Variants in CSMD1 observed in about 807,000 individuals in gnomAD.
CSMD1 encodes the protein CUB and sushi domain-containing protein 1.
In CSMD1, 213 loss-of-function variants were observed where a neutral mutation model predicts 417.5. The ratio of observed to expected loss-of-function variants is 0.51; its 90% CI spans 0.46 to 0.57. CSMD1 has a LOEUF of 0.57. Among genes scored for constraint, CSMD1 ranks in the 20% least tolerant of loss-of-function variants. CSMD1 has a pLI of 0.00. For missense variants in CSMD1, 6,923 were observed against 4,529.7 expected (o/e 1.53, Z -15.17); for synonymous variants, 2,862 against 1,736.8 (o/e 1.65, Z -16.11).
intron 1 of CSMD1, among the ~76,000 whole-genome samples, chr8:4,704,938 G>C (rs1033517800): frequency 1.3e-5 from 2 of 152,218 alleles, no homozygotes; most frequent in African/African-American, 4.8e-5. Flanking sequence ...TCCATGGGTA[G>C]TATGGTTTGG....
At chr8:4,403,714 C>G (rs1438869634) in intron 3 of CSMD1, among the ~76,000 whole-genome samples, 1 of 152,164 alleles carries the variant, frequency 6.6e-6, no homozygotes, top group African/African-American at 2.4e-5. Flanking sequence ...CTTCATGTCA[C>G]TCTCTTCTTG....
In CSMD1 at chr8:4,283,959, G is replaced by A. The variant is rs11987807; in HGVS notation, c.415+135994C>T. On this transcript the variant is annotated intron_variant, in intron 3 of 69. Coordinates refer to ENST00000635120, the MANE Select transcript of CSMD1 (RefSeq NM_033225.6). ...TTATTAACAATAAGTTTGGCCAGGG[G>A]TGGTGGCTCACACTTGTAATCGTAG... Among the ~76,000 whole-genome samples the A allele has an allele frequency of 4.4e-3, 668 of 152,260 alleles. 4 individuals carry two copies. The highest frequency in any genetic ancestry group is 0.015 in the African/African-American group (603 of 41,544).
chr8:3,655,973 G>C (rs1482410860), intron 7 of CSMD1, among the ~76,000 whole-genome samples: 1 of 152,104 alleles, frequency 6.6e-6, no homozygotes, highest in African/African-American at 2.4e-5. Flanking sequence ...ACCTGGCTCA[G>C]AACCCCTTTC....
rs12677127 is a variant in CSMD1 at position 3,399,575 on chromosome 8, G to T, written c.2267-46C>A. 22,575 of 1,454,378 alleles carry T rather than the reference G, an allele frequency of 0.016. 1,832 individuals carry two copies. In the East Asian group the frequency reaches 0.21, roughly 14 times the overall value. The allele number at this position is 1,454,378 out of a possible 1,614,324, so 90.1% of individuals were successfully genotyped here. A position where few individuals can be genotyped will look rare whatever the true frequency, so the allele number is the denominator to read the frequency against. On this transcript the variant is annotated intron_variant, in intron 15 of 69. Coordinates refer to ENST00000635120, the MANE Select transcript of CSMD1 (RefSeq NM_033225.6). Reference sequence around the variant, plus strand: ...TCTATTAGATCCAATGAGACAGAAGGATATGCCATAACAATACCCGGATAA... The same window carrying T: ...TCTATTAGATCCAATGAGACAGAAGTATATGCCATAACAATACCCGGATAA...
At chr8:4,552,208 G>C (rs1051624974) in intron 2 of CSMD1, among the ~76,000 whole-genome samples, 5 of 152,076 alleles carry the variant, frequency 3.3e-5, no homozygotes, top group Non-Finnish European at 7.4e-5. Flanking sequence ...ATTCTATGTA[G>C]CTTGGTCTCA....
At chr8:3,740,927 T>C (rs750934377) in intron 6 of CSMD1, among the ~76,000 whole-genome samples, 2 of 151,806 alleles carry the variant, frequency 1.3e-5, no homozygotes, top group South Asian at 2.1e-4. Flanking sequence ...CAGAAGAAGA[T>C]AGAGGGGGCC....
intron 3 of CSMD1, among the ~76,000 whole-genome samples, chr8:4,321,516 G>A (rs1466008588): frequency 6.6e-6 from 1 of 152,118 alleles, no homozygotes; most frequent in Non-Finnish European, 1.5e-5. Context: ...AGAGGGATGT[G>A]TTAAGGATTA....
chr8:3,719,003 G>C (rs765244734), intron 6 of CSMD1, among the ~76,000 whole-genome samples: 2 of 152,128 alleles, frequency 1.3e-5, no homozygotes, highest in Admixed American at 6.6e-5. Flanking sequence ...CAAGGGGTGA[G>C]ACAACGCGCT....
At chr8:4,284,054 G>A (rs745421928) in intron 3 of CSMD1, among the ~76,000 whole-genome samples, 28 of 152,058 alleles carry the variant, frequency 1.8e-4, no homozygotes, top group Non-Finnish European at 1.5e-5. Context: ...CCATCATTGT[G>A]AAACCTGGTC....
chr8:3,506,574 T>C lies in CSMD1; in HGVS notation c.1345-12848A>G, dbSNP rs964592301. Among the ~76,000 whole-genome samples, 5 of 152,338 alleles carry C rather than the reference T, an allele frequency of 3.3e-5. No individual in the cohort carries two copies. In the East Asian group the frequency reaches 5.8e-4, roughly 18 times the overall value. On this transcript the variant is annotated intron_variant, in intron 10 of 69. Coordinates refer to ENST00000635120, the MANE Select transcript of CSMD1 (RefSeq NM_033225.6). The stretch of plus-strand genomic sequence containing the variant: ...TCATTCCCTCATCTTTCATTCATCT[T>C]CAACCACGCCTCTAAATATCTCTAT...
At chr8:4,374,210 G>T (rs143627410) in intron 3 of CSMD1, among the ~76,000 whole-genome samples, 192 of 152,168 alleles carry the variant, frequency 1.3e-3, no homozygotes, top group African/African-American at 4.4e-3. Context: ...TTTGAGGAAG[G>T]ATTAACAGCA....
chr8:4,125,917 G>GT (rs1802737788), intron 3 of CSMD1, among the ~76,000 whole-genome samples: 1 of 152,274 alleles, frequency 6.6e-6, no homozygotes, highest in South Asian at 2.1e-4. Context: ...CTGGCTCCAA[G>GT]AGTATGAACC....
At chr8:3,811,111 C>A (rs1227033824) in intron 5 of CSMD1, among the ~76,000 whole-genome samples, 1 of 152,146 alleles carries the variant, frequency 6.6e-6, no homozygotes, top group African/African-American at 2.4e-5. Flanking sequence ...GGTGACTCCT[C>A]TGTGTGTACC....
chr8:4,167,085 T>C (rs1031429442), intron 3 of CSMD1, among the ~76,000 whole-genome samples: 9 of 152,136 alleles, frequency 5.9e-5, no homozygotes, highest in South Asian at 2.1e-4. Context: ...AGAATATCTG[T>C]AGATAAATGT....
Position 3,409,498 on chromosome 8 carries a change from A to T in CSMD1, c.1669T>A (p.Phe557Ile). 6.2e-7 allele frequency: 1 copy of T among 1,611,386 alleles called. No homozygotes were observed. Among genetic ancestry groups the T allele is most frequent in the Non-Finnish European group, 8.5e-7 (1 of 1,178,854 alleles). Residue 557 changes from phenylalanine (F) to isoleucine (I), a missense_variant, in exon 13 of 70, where the codon TTT becomes ATT. Phe to Ile is a conservative substitution (Grantham distance 21). Transcript: ENST00000635120. ...DTLTFECPAA[F>I]ELVGERVITC... ...ATAACTCTCTCCCCCACCAGCTCAA[A>T]GGCCGCCGGGCATTCAAAGGTGAGT...
At chr8:4,600,907 T>C (rs902704839) in intron 2 of CSMD1, among the ~76,000 whole-genome samples, 3 of 151,972 alleles carry the variant, frequency 2.0e-5, no homozygotes, top group Admixed American at 1.3e-4. Flanking sequence ...CTAAGAAAAA[T>C]ATTAAAGTAA....
intron 1 of CSMD1, among the ~76,000 whole-genome samples, chr8:4,964,502 CAAAAAA>C (rs10622416): frequency 3.8e-5 from 4 of 105,976 alleles, no homozygotes; most frequent in African/African-American, 1.5e-4. Flanking sequence ...ACCCTGTCTC[CAAAAAA>C]AAAAAAAAAA....
chr8:3,588,194 T>C (rs4645579), intron 8 of CSMD1, among the ~76,000 whole-genome samples: 50,743 of 151,998 alleles, frequency 0.33, 10,061 homozygotes, highest in Non-Finnish European at 0.44. Context: ...CAATATATTG[T>C]CATTGAACAT....
rs116689023 is a variant in CSMD1, at chr8:3,085,193, T to C, written c.7474+1904A>G. Among the ~76,000 whole-genome samples the C allele has an allele frequency of 5.1e-3, 780 of 152,266 alleles. 9 individuals are homozygous for C. Among genetic ancestry groups the C allele is most frequent in the African/African-American group, 0.018 (742 of 41,570 alleles). On this transcript the variant is annotated intron_variant, in intron 49 of 69. Transcript: ENST00000635120. ...TGATTATGAAGTCCCTTAACTTTTA[T>C]GTGTTTCAGTTTCAAATACATAAAA...
Sources: gnomAD v4.1 joint callset for allele counts (sites outside exome capture counted in the v4.1 genomes callset) on GRCh38, gnomAD v4.1.1 for gene constraint, MANE v1.5 for transcripts, NCBI Gene and HGNC (gene_info 2026-07-23, HGNC 2026-07-21) for gene names.